The following MEGF9 variants were observed in gnomAD, a reference collection of about 807,000 sequenced individuals.
The protein encoded by MEGF9 is multiple epidermal growth factor-like domains protein 9.
In MEGF9, 6 loss-of-function variants were observed where a neutral mutation model predicts 46.8. The ratio of observed to expected loss-of-function variants is 0.13; its 90% CI spans 0.07 to 0.25. The LOEUF (loss-of-function observed/expected upper bound fraction) is 0.25, where lower values mean the gene tolerates loss of function less well. Among genes scored for constraint, MEGF9 ranks in the 10% least tolerant of loss-of-function variants. The pLI, the probability that MEGF9 is intolerant of heterozygous loss-of-function variation, is 1.00. For missense variants in MEGF9, 683 were observed against 792.4 expected (o/e 0.86, Z 1.66); for synonymous variants, 302 against 330.7 (o/e 0.91, Z 0.94).
At position 120,603,458 on chromosome 9, in the gene MEGF9, C is replaced by T. The variant is rs1031078558; in HGVS notation, c.*1732G>A. On this transcript the variant is annotated 3_prime_UTR_variant, in exon 6 of 6. Transcript: ENST00000373930. ...TGTACTCCCTCCAGAACATCATCTC[C>T]AAACCCTGAGAACAACTTAGGGGTC... 1 of 152,212 alleles carries T rather than the reference C, an allele frequency of 6.6e-6. No homozygotes were observed. The highest frequency in any genetic ancestry group is 1.5e-5 in the Non-Finnish European group (1 of 68,048). The allele number at this position is 152,212 out of a possible 1,614,324, so 9.4% of individuals were successfully genotyped here.
At chr9:120,696,951 C>T (rs1405594634) in intron 1 of MEGF9, among the ~76,000 whole-genome samples, 1 of 152,160 alleles carries the variant, frequency 6.6e-6, no homozygotes, top group Admixed American at 6.5e-5. Flanking sequence ...TGAATAACAG[C>T]TGCTCCTTTG....
intron 1 of MEGF9, among the ~76,000 whole-genome samples, chr9:120,681,587 T>C (rs117468800): frequency 1.8e-4 from 28 of 151,546 alleles, no homozygotes; most frequent in Admixed American, 3.9e-4. Flanking sequence ...AAAAAAAGAA[T>C]GCATTTGACT....
At chr9:120,639,275 G>A (rs1326824775) in intron 2 of MEGF9, among the ~76,000 whole-genome samples, 3 of 151,946 alleles carry the variant, frequency 2.0e-5, no homozygotes, top group African/African-American at 2.4e-5. Context: ...CTGGGAGGCC[G>A]AGGTGGGTGG....
chr9:120,641,071 G>A (rs1397670777), intron 2 of MEGF9, among the ~76,000 whole-genome samples: 1 of 152,110 alleles, frequency 6.6e-6, no homozygotes, highest in Non-Finnish European at 1.5e-5. Flanking sequence ...GTATTCCATG[G>A]TGTATATGTA....
rs530900778 is a variant in MEGF9, at chr9:120,627,576, C to A, written c.804-4821G>T. 2.0e-5 allele frequency among the ~76,000 whole-genome samples: 3 copies of A among 152,290 alleles called. No individual in the cohort carries two copies. In the East Asian group the frequency reaches 5.8e-4, roughly 29 times the overall value. On this transcript the variant is annotated intron_variant, in intron 2 of 5. Transcript: ENST00000373930. ...CTCCTGGGTTCAAGCGATTCTCCTG[C>A]CTCAGCCTCCCAAGTAGCTGGGACT...
Position 120,605,629 on chromosome 9 carries a change from G to A in MEGF9, c.1370C>T (p.Pro457Leu). The A allele has an allele frequency of 6.4e-7, 1 of 1,556,270 alleles. No homozygotes were observed. The highest frequency in any genetic ancestry group is 8.7e-7 in the Non-Finnish European group (1 of 1,149,724). ...GNCIKKEVIL[P>L]TPEGSTILVS... ...CAAAATGGTAGAACCTTCAGGTGTT[G>A]GAAGAATAACTTCTGAAAATAAAAA... is the stretch of plus-strand genomic sequence containing the variant. Residue 457 changes from proline (P) to leucine (L), a missense_variant, in exon 6 of 6, where the codon CCA becomes CTA. Pro to Leu is a moderately conservative substitution (Grantham distance 98). Transcript: ENST00000373930. The surrounding 1 kb of genome is among the most constrained non-coding windows in gnomAD (Gnocchi z 4.0).
intron 2 of MEGF9, among the ~76,000 whole-genome samples, chr9:120,644,602 C>T (rs2043617849): frequency 6.6e-6 from 1 of 152,194 alleles, no homozygotes; most frequent in Admixed American, 6.5e-5. Context: ...CAGTTTCTGC[C>T]ACTTATTAGT....
At chr9:120,649,645 A>T (rs971967292) in intron 2 of MEGF9, among the ~76,000 whole-genome samples, 1 of 152,152 alleles carries the variant, frequency 6.6e-6, no homozygotes, top group African/African-American at 2.4e-5. Context: ...TCTTACATAT[A>T]TGTATAGTTC....
intron 2 of MEGF9, among the ~76,000 whole-genome samples, chr9:120,655,080 A>C (rs1186538374): frequency 6.6e-6 from 1 of 152,212 alleles, no homozygotes; most frequent in Non-Finnish European, 1.5e-5. Context: ...TTTACTATTG[A>C]AGAAAACTTT....
At chr9:120,689,300 A>G (rs76917292) in intron 1 of MEGF9, among the ~76,000 whole-genome samples, 6,217 of 152,248 alleles carry the variant, frequency 0.041, 418 homozygotes, top group African/African-American at 0.14. Flanking sequence ...TAACAACATC[A>G]AGGCAAAAGA....
chr9:120,630,682 C>T (rs1014342852), intron 2 of MEGF9, among the ~76,000 whole-genome samples: 2 of 152,102 alleles, frequency 1.3e-5, no homozygotes, highest in Non-Finnish European at 2.9e-5. Context: ...GTATTCTTTG[C>T]CTTTTTGATA....
At chr9:120,673,971 A>AG (rs1368368718) in intron 1 of MEGF9, among the ~76,000 whole-genome samples, 6 of 137,508 alleles carry the variant, frequency 4.4e-5, no homozygotes, top group African/African-American at 2.0e-4. Flanking sequence ...CTCCGTCTCA[A>AG]AAAAAAAAAA....
At chr9:120,618,507 C>A (rs986985067) in intron 3 of MEGF9, among the ~76,000 whole-genome samples, 1 of 151,916 alleles carries the variant, frequency 6.6e-6, no homozygotes, top group African/African-American at 2.4e-5. Flanking sequence ...AAATAATATC[C>A]CCCCACTTCC....
chr9:120,630,938 T>A (rs1168154909), intron 2 of MEGF9, among the ~76,000 whole-genome samples: 1 of 152,254 alleles, frequency 6.6e-6, no homozygotes, highest in African/African-American at 2.4e-5. Flanking sequence ...TATTGTCTTT[T>A]CACTCTGTTG....
chr9:120,650,496 T>A (rs958158095), intron 2 of MEGF9, among the ~76,000 whole-genome samples: 3 of 151,582 alleles, frequency 2.0e-5, no homozygotes, highest in African/African-American at 4.9e-5. Flanking sequence ...GGGGTGGACA[T>A]CCGTCAGTAC....
At chr9:120,664,122 C>G (rs2043714641) in intron 1 of MEGF9, among the ~76,000 whole-genome samples, 1 of 152,058 alleles carries the variant, frequency 6.6e-6, no homozygotes. Flanking sequence ...CCCCACCTGC[C>G]CTCCCTTTGT....
intron 1 of MEGF9, among the ~76,000 whole-genome samples, chr9:120,697,246 C>CTAGT (rs1203170946): frequency 3.9e-5 from 6 of 152,186 alleles, no homozygotes; most frequent in Non-Finnish European, 7.3e-5. Flanking sequence ...TTATACCCAG[C>CTAGT]TAGTTTTTGC....
At chr9:120,675,299 T>C (rs2043767756) in intron 1 of MEGF9, among the ~76,000 whole-genome samples, 1 of 152,226 alleles carries the variant, frequency 6.6e-6, no homozygotes, top group Non-Finnish European at 1.5e-5. Flanking sequence ...TAAGTGGACC[T>C]AGTCTGGCTA....
At chr9:120,612,354 T>A (rs759887208) in intron 4 of MEGF9, 42 bp downstream of exon 4, 2 of 1,588,440 alleles carry the variant, frequency 1.3e-6, no homozygotes, top group Non-Finnish European at 1.7e-6. Context: ...GATAACTGAT[T>A]TTTTTTTCCC....
Sources: allele counts gnomAD v4.1 joint callset (sites outside exome capture counted in the v4.1 genomes callset), GRCh38; gene constraint gnomAD v4.1.1; non-coding constraint Gnocchi (gnomAD v3.1); transcripts MANE v1.5; gene names NCBI Gene and HGNC (gene_info 2026-07-23, HGNC 2026-07-21).